The following FAM168B variants were observed in gnomAD, a reference collection of about 807,000 sequenced individuals.
FAM168B encodes the protein myelin-associated neurite-outgrowth inhibitor.
In FAM168B, 19 loss-of-function variants were observed where a neutral mutation model predicts 21.8. The observed-to-expected ratio is 0.87, with a 90% CI of 0.61 to 1.28. FAM168B has a LOEUF of 1.28. FAM168B is among the 50% of genes most tolerant of loss of function. The pLI is 0.00. For missense variants in FAM168B, 233 were observed against 263.1 expected (o/e 0.89, Z 0.79); for synonymous variants, 126 against 104.8 (o/e 1.20, Z -1.24).
At chr2:131,083,808 T>C (rs1415266090) in intron 1 of FAM168B, among the ~76,000 whole-genome samples, 1 of 152,168 alleles carries the variant, frequency 6.6e-6, no homozygotes, top group Non-Finnish European at 1.5e-5. Flanking sequence ...AAAAGAAATA[T>C]ATAAAAATAT....
At chr2:131,087,839 G>T (rs776816517) in intron 1 of FAM168B, among the ~76,000 whole-genome samples, 5 of 152,316 alleles carry the variant, frequency 3.3e-5, no homozygotes, top group South Asian at 4.1e-4. Context: ...ATGAACATTT[G>T]TAACAGCATT....
intron 2 of FAM168B, among the ~76,000 whole-genome samples, chr2:131,076,267 C>A (rs148134988): frequency 1.3e-5 from 2 of 152,212 alleles, no homozygotes. Context: ...CCGTCTCCTT[C>A]AGCATCTATT....
chr2:131,080,476 G>C (rs576142357), intron 2 of FAM168B, among the ~76,000 whole-genome samples: 1 of 151,232 alleles, frequency 6.6e-6, no homozygotes, highest in South Asian at 2.1e-4. Flanking sequence ...AAATTAGCTG[G>C]GCATGGTGGC....
intron 1 of FAM168B, among the ~76,000 whole-genome samples, chr2:131,089,043 C>T (rs1308838085): frequency 1.3e-5 from 2 of 151,820 alleles, no homozygotes; most frequent in South Asian, 2.1e-4. Flanking sequence ...CTCAGCTCAC[C>T]GCAACTTCTG....
chr2:131,081,827 T>C (rs1693447501), intron 2 of FAM168B, among the ~76,000 whole-genome samples: 1 of 152,188 alleles, frequency 6.6e-6, no homozygotes, highest in Admixed American at 6.5e-5. Flanking sequence ...ACCCCAGATA[T>C]CTCTCTTACC....
intron 1 of FAM168B, among the ~76,000 whole-genome samples, chr2:131,090,057 C>T (rs1042371144): frequency 1.2e-3 from 177 of 148,228 alleles, no homozygotes; most frequent in Non-Finnish European, 9.8e-4. Context: ...CAGTGGCTCA[C>T]GCCTGTAATC....
At chr2:131,082,876 C>T (rs750138743) in intron 1 of FAM168B, among the ~76,000 whole-genome samples, 1 of 152,136 alleles carries the variant, frequency 6.6e-6, no homozygotes, top group Non-Finnish European at 1.5e-5. Flanking sequence ...CAATTCTCCT[C>T]AGTCCATCAG....
chr2:131,087,920 T>G (rs1693798379), intron 1 of FAM168B, among the ~76,000 whole-genome samples: 1 of 152,202 alleles, frequency 6.6e-6, no homozygotes, highest in Non-Finnish European at 1.5e-5. Context: ...CCTTCCATAA[T>G]GACCTGACTT....
At position 131,050,499 on chromosome 2, in the gene FAM168B, C is replaced by G. The variant is rs1691596859; in HGVS notation, c.*1966G>C. The G allele has an allele frequency of 1.0e-6, 1 of 985,758 alleles. No individual in the cohort carries two copies. Among genetic ancestry groups the G allele is most frequent in the South Asian group, 4.7e-5 (1 of 21,278 alleles). 61.1% of individuals were successfully genotyped at this position (985,758 alleles called of 1,614,324 possible). On this transcript the variant is annotated 3_prime_UTR_variant, in exon 7 of 7. Transcript: ENST00000389915. ...TGTGCCTGCGGTAAATGTCTGCCCC[C>G]ACACATAGACACTAAGATGGATTAA...
intron 1 of FAM168B, among the ~76,000 whole-genome samples, chr2:131,084,849 A>G (rs778209575): frequency 6.6e-6 from 1 of 152,146 alleles, no homozygotes; most frequent in Admixed American, 6.5e-5. Flanking sequence ...CAGCCTCCAG[A>G]GTAGCCAGGA....
intron 6 of FAM168B, 44 bp downstream of exon 6, chr2:131,052,847 T>C (rs1391138630): frequency 6.5e-7 from 1 of 1,542,946 alleles, no homozygotes; most frequent in Non-Finnish European, 8.8e-7. Context: ...CCCATGGAAA[T>C]GCCCTTTCAT....
At chr2:131,091,654 A>G (rs978002474) in intron 1 of FAM168B, among the ~76,000 whole-genome samples, 1 of 151,794 alleles carries the variant, frequency 6.6e-6, no homozygotes, top group African/African-American at 2.4e-5. Context: ...CTCACAAAAA[A>G]AAAAAAGAAA....
intron 3 of FAM168B, among the ~76,000 whole-genome samples, chr2:131,060,199 T>C (rs763168130): frequency 3.3e-5 from 5 of 152,174 alleles, no homozygotes; most frequent in Non-Finnish European, 5.9e-5. Context: ...CTAATTTTTG[T>C]ATTTTTAGTA....
intron 1 of FAM168B, among the ~76,000 whole-genome samples, chr2:131,084,034 C>T (rs908273635): frequency 6.6e-6 from 1 of 151,852 alleles, no homozygotes; most frequent in Non-Finnish European, 1.5e-5. Flanking sequence ...TCCCGCATAG[C>T]AGGGACTACA....
At chr2:131,061,131 G>A (rs1261380845) in intron 3 of FAM168B, among the ~76,000 whole-genome samples, 3 of 145,180 alleles carry the variant, frequency 2.1e-5, no homozygotes, top group Non-Finnish European at 4.5e-5. Context: ...GATGACAGGC[G>A]TGAGCCACCG....
In FAM168B at chr2:131,077,789, A is replaced by G. The variant is rs567822617; in HGVS notation, c.70+4788T>C. 1.5e-4 allele frequency among the ~76,000 whole-genome samples: 23 copies of G among 152,328 alleles called. 2 individuals are homozygous for G. In the South Asian group the frequency reaches 4.8e-3, roughly 32 times the overall value. ...AACCAGTTAAAGTCTGCTTTAAGACATATGTCAAATTCTAAAGCTACCCCA... is the reference window on the plus strand; with the variant it reads ...AACCAGTTAAAGTCTGCTTTAAGACGTATGTCAAATTCTAAAGCTACCCCA... On this transcript the variant is annotated intron_variant, in intron 2 of 6. Transcript: ENST00000389915.
chr2:131,077,367 G>C (rs1022656988), intron 2 of FAM168B, among the ~76,000 whole-genome samples: 1 of 152,186 alleles, frequency 6.6e-6, no homozygotes, highest in African/African-American at 2.4e-5. Flanking sequence ...AGTCTCAGGA[G>C]CAGGACCAGG....
In FAM168B at chr2:131,052,947, C is replaced by A; in HGVS notation, c.544G>T (p.Ala182Ser). Residue 182 changes from alanine to serine, a missense_variant, in exon 6 of 7, where the codon GCC becomes TCC. Transcript: ENST00000389915. ...PHPVTVPTYR[A>S]PGTPTYSYVP... is the part of the protein sequence containing the mutation. ...TAGCTGTAAGTGGGCGTTCCTGGGGCCCGGTACGTGGGCACAGTGACCGGG... is the reference window on the plus strand; with the variant it reads ...TAGCTGTAAGTGGGCGTTCCTGGGGACCGGTACGTGGGCACAGTGACCGGG... 8 of 1,563,866 alleles carry A rather than the reference C, an allele frequency of 5.1e-6. No individual in the cohort carries two copies. The highest frequency in any genetic ancestry group is 6.9e-6 in the Non-Finnish European group (8 of 1,153,394).
intron 2 of FAM168B, among the ~76,000 whole-genome samples, chr2:131,080,124 A>G (rs898807264): frequency 1.3e-5 from 2 of 152,082 alleles, no homozygotes; most frequent in Admixed American, 1.3e-4. Flanking sequence ...TCTCAGAAAA[A>G]AAAAAAATGT....
Sources: gnomAD v4.1 joint callset for allele counts (sites outside exome capture counted in the v4.1 genomes callset) on GRCh38, gnomAD v4.1.1 for gene constraint, MANE v1.5 for transcripts, NCBI Gene and HGNC (gene_info 2026-07-23, HGNC 2026-07-21) for gene names.